FAAH2: variants seen among roughly 807,000 people sequenced by gnomAD.
FAAH2 encodes the protein fatty-acid amide hydrolase 2.
In FAAH2, 60 loss-of-function variants were observed where a neutral mutation model predicts 36.9. The observed-to-expected ratio is 1.63, with a 90% CI of 1.32 to 2.02. The LOEUF is 2.02. Ranked by LOEUF, FAAH2 falls within the 30% of genes most tolerant of loss-of-function variation. FAAH2 has a pLI of 0.00. For synonymous variants in FAAH2, 214 were observed against 143.8 expected, an observed-to-expected ratio of 1.49 and a Z score of -3.49; for missense variants, 689 against 397.5, an observed-to-expected ratio of 1.73 and a Z score of -6.23.
At chrX:57,405,084 T>G (rs924281816) in intron 7 of FAAH2, among the ~76,000 whole-genome samples, 2 of 112,065 alleles carry the variant, frequency 1.8e-5, no homozygotes, top group Non-Finnish European at 1.9e-5. Flanking sequence ...CGTTTTTAAC[T>G]GGCTGACAGG....
intron 3 of FAAH2, among the ~76,000 whole-genome samples, chrX:57,322,385 C>T (rs954468316): frequency 1.8e-5 from 2 of 111,818 alleles, no homozygotes; most frequent in African/African-American, 6.5e-5. Context: ...GTTTGCTGGA[C>T]TTCCTTTTAT....
At chrX:57,385,626 C>G (rs1304728981) in intron 7 of FAAH2, among the ~76,000 whole-genome samples, 1 of 111,770 alleles carries the variant, frequency 8.9e-6, no homozygotes, top group African/African-American at 3.3e-5. Flanking sequence ...TTCTTTAGGG[C>G]CCCCCTCTTA....
At chrX:57,180,872 C>A in the FAAH2 span, among the ~76,000 whole-genome samples, 1 of 111,416 alleles carries the variant, frequency 9.0e-6, no homozygotes, top group East Asian at 2.8e-4. Context: ...TCATGAACAT[C>A]GTTGCAAAAA....
At chrX:57,348,207 C>A (rs764536594) in intron 5 of FAAH2, among the ~76,000 whole-genome samples, 3 of 110,311 alleles carry the variant, frequency 2.7e-5, no homozygotes, top group African/African-American at 9.9e-5. Context: ...CCACTTGAGG[C>A]ACCTGAGCAC....
chrX:57,255,304 A>G, the FAAH2 span, among the ~76,000 whole-genome samples: 1 of 111,939 alleles, frequency 8.9e-6, no homozygotes, highest in Non-Finnish European at 1.9e-5. Flanking sequence ...AACCAAAAAA[A>G]GTCCAGGACC....
the FAAH2 span, among the ~76,000 whole-genome samples, chrX:57,184,218 T>C: frequency 8.9e-6 from 1 of 112,077 alleles, no homozygotes; most frequent in Admixed American, 9.5e-5. Flanking sequence ...TTTTGCCTTT[T>C]GTCCTGTTCC....
At chrX:57,399,033 A>C (rs961052041) in intron 7 of FAAH2, among the ~76,000 whole-genome samples, 2 of 111,479 alleles carry the variant, frequency 1.8e-5, no homozygotes, top group African/African-American at 6.5e-5. Context: ...TCAACATCCG[A>C]GCATGGACTA....
the FAAH2 span, among the ~76,000 whole-genome samples, chrX:57,167,827 C>T: frequency 9.0e-6 from 1 of 111,231 alleles, no homozygotes; most frequent in African/African-American, 3.3e-5. Context: ...CAAGCTTTGG[C>T]CCAGTGACAC....
Position 57,331,906 on chromosome X carries a change from T to C in FAAH2, c.622+99T>C, listed in dbSNP as rs1285039103. 4.8e-6 allele frequency: 4 copies of C among 830,399 alleles called. No homozygotes were observed. The African/African-American group carries it at 6.2e-5, about 13-fold the overall frequency. The allele number at this position is 830,399 out of a possible 1,213,427, so 68.4% of individuals were successfully genotyped here. The stretch of plus-strand genomic sequence containing the variant: ...GATACAGTATAGCATCTATGACCTA[T>C]AAGAATGGATGCAAAAACCCAGGAT... On this transcript the variant is annotated intron_variant, in intron 4 of 10. Transcript: ENST00000374900.
the FAAH2 span, among the ~76,000 whole-genome samples, chrX:57,199,586 A>G: frequency 9.0e-6 from 1 of 111,628 alleles, no homozygotes; most frequent in Non-Finnish European, 1.9e-5. Context: ...GTAAGTATCT[A>G]TTAGGTCTAT....
intron 2 of FAAH2, among the ~76,000 whole-genome samples, chrX:57,310,050 C>A (rs369592354): frequency 8.9e-6 from 1 of 112,242 alleles, no homozygotes; most frequent in Non-Finnish European, 1.9e-5. Context: ...TCACCAACAG[C>A]GTAAAAGCAT....
At chrX:57,160,427 C>T in the FAAH2 span, among the ~76,000 whole-genome samples, 1 of 111,957 alleles carries the variant, frequency 8.9e-6, no homozygotes, top group Non-Finnish European at 1.9e-5. Context: ...ATCAGCTCCT[C>T]CTTGAACCTC....
chrX:57,417,716 C>A (rs2055882236), intron 7 of FAAH2, among the ~76,000 whole-genome samples: 1 of 111,925 alleles, frequency 8.9e-6, no homozygotes, highest in South Asian at 3.8e-4. Flanking sequence ...GTCAGGGATC[C>A]ACTTGAGGAG....
intron 10 of FAAH2, among the ~76,000 whole-genome samples, chrX:57,463,327 CA>C (rs2056993671): frequency 9.1e-6 from 1 of 110,357 alleles, no homozygotes; most frequent in Non-Finnish European, 1.9e-5. Context: ...TTATATGAAA[CA>C]AAAAAAGAGC....
At chrX:57,213,646 A>AT in the FAAH2 span, among the ~76,000 whole-genome samples, 1 of 112,000 alleles carries the variant, frequency 8.9e-6, no homozygotes, top group African/African-American at 3.2e-5. Context: ...TCAAAAGTTC[A>AT]TTTTGAAGTT....
intron 10 of FAAH2, among the ~76,000 whole-genome samples, chrX:57,487,515 C>T (rs903355396): frequency 1.8e-5 from 2 of 111,156 alleles, no homozygotes; most frequent in Non-Finnish European, 3.8e-5. Flanking sequence ...CCCATAAGTG[C>T]GTGAGAGAAT....
At chrX:57,163,823 T>C in the FAAH2 span, among the ~76,000 whole-genome samples, 3 of 112,515 alleles carry the variant, frequency 2.7e-5, no homozygotes, top group Non-Finnish European at 5.6e-5. Context: ...ACCCGTCTTC[T>C]GCGTTGCTCA....
chrX:57,426,765 G>T (rs1007398470), intron 7 of FAAH2, among the ~76,000 whole-genome samples: 2 of 111,380 alleles, frequency 1.8e-5, no homozygotes, highest in Admixed American at 9.6e-5. Flanking sequence ...TTACATGGAA[G>T]TTTATAATGT....
the FAAH2 span, among the ~76,000 whole-genome samples, chrX:57,264,597 G>A: frequency 8.9e-6 from 1 of 112,557 alleles, no homozygotes; most frequent in Non-Finnish European, 1.9e-5. Context: ...GTGTAAATTA[G>A]CTCAACCATT....
Sources: gnomAD v4.1 joint callset for allele counts (sites outside exome capture counted in the v4.1 genomes callset) on GRCh38, gnomAD v4.1.1 for gene constraint, MANE v1.5 for transcripts, NCBI Gene and HGNC (gene_info 2026-07-23, HGNC 2026-07-21) for gene names.